The following SEMA5B variants were observed in gnomAD, a reference collection of about 807,000 sequenced individuals.
SEMA5B encodes semaphorin-5B.
SEMA5B carries 66 observed loss-of-function variants against 135.0 expected under a neutral mutation model. The ratio of observed to expected loss-of-function variants is 0.49; its 90% CI spans 0.40 to 0.60. The LOEUF (loss-of-function observed/expected upper bound fraction) is 0.60. Ranked by LOEUF, SEMA5B falls within the 20% of genes least tolerant of loss-of-function variation. The probability of loss-of-function intolerance (pLI) is 0.00; values close to 1 mark genes in which losing one functional copy is unlikely to be tolerated. For synonymous variants in SEMA5B, 690 were observed against 639.5 expected (o/e 1.08, Z -1.19); for missense variants, 1,501 against 1,566.3 (o/e 0.96, Z 0.70).
At chr3:122,915,350 G>C in intron 14 of SEMA5B, 90 bp downstream of exon 14, 1 of 1,323,782 alleles carries the variant, frequency 7.6e-7, no homozygotes, top group Non-Finnish European at 1.0e-6. Context: ...CTGTCCCTTA[G>C]TGCAAACACC....
Position 122,929,048 on chromosome 3 carries a change from C to T in SEMA5B, c.485G>A (p.Trp162Ter). ...GCGGCGCGTGTCCTCACTGGAGGCC[C>T]ACTCTGTGGCCTGGGGGAGGAACAT... ...ANVSLLQATE[W>*]ASSEDTRRSC... The change falls in exon 6 of 23, where the codon TGG (tryptophan) becomes TAG (stop). Residue 162 changes from tryptophan to a stop codon, truncating the protein, a stop_gained. Coordinates refer to ENST00000357599, the MANE Select transcript of SEMA5B (RefSeq NM_001031702.4). LOFTEE classifies it high-confidence loss of function. 6.2e-7 allele frequency: 1 copy of T among 1,611,898 alleles called. No individual in the cohort carries two copies. Among genetic ancestry groups the T allele is most frequent in the Non-Finnish European group, 8.5e-7 (1 of 1,179,976 alleles).
At chr3:123,018,540 A>G (rs374214732) in intron 1 of SEMA5B, among the ~76,000 whole-genome samples, 9 of 152,240 alleles carry the variant, frequency 5.9e-5, no homozygotes, top group East Asian at 3.9e-4. Context: ...AAATAAGCAC[A>G]GAATGACCAG....
intron 12 of SEMA5B, among the ~76,000 whole-genome samples, chr3:122,916,100 G>T (rs996632986): frequency 2.0e-5 from 3 of 152,206 alleles, no homozygotes; most frequent in African/African-American, 7.2e-5. Context: ...GCACCCCAAT[G>T]AAGTGGGTAC....
Position 122,951,990 on chromosome 3 carries a change from G to A in SEMA5B, c.125-3281C>T, listed in dbSNP as rs114021437. On this transcript the variant is annotated intron_variant, in intron 2 of 22. Coordinates refer to ENST00000357599, the MANE Select transcript of SEMA5B (RefSeq NM_001031702.4). ...GCTGCAAGCCTCCAAGGAAATAACA[G>A]CACGAAGCCAGAGCACCCAACTGAC... 5.9e-3 allele frequency among the ~76,000 whole-genome samples: 903 copies of A among 152,306 alleles called. 6 individuals are homozygous for A. The highest frequency in any genetic ancestry group is 0.021 in the African/African-American group (857 of 41,576).
chr3:122,991,433 T>C (rs1941874423), intron 1 of SEMA5B, among the ~76,000 whole-genome samples: 1 of 152,144 alleles, frequency 6.6e-6, no homozygotes, highest in African/African-American at 2.4e-5. Flanking sequence ...ACTTTGGTAA[T>C]GTCTGGAGGC....
chr3:122,953,279 C>A (rs543337300), intron 2 of SEMA5B, among the ~76,000 whole-genome samples: 3 of 152,254 alleles, frequency 2.0e-5, no homozygotes, highest in African/African-American at 7.2e-5. Flanking sequence ...CGCCCCAGGT[C>A]TGACCACCAG....
At chr3:123,013,532 A>C (rs1942484920) in intron 1 of SEMA5B, among the ~76,000 whole-genome samples, 1 of 152,208 alleles carries the variant, frequency 6.6e-6, no homozygotes, top group Admixed American at 6.5e-5. Flanking sequence ...TGAGCCTTGG[A>C]GAGGAGAAAT....
chr3:123,004,703 C>T (rs1221973952), intron 1 of SEMA5B, among the ~76,000 whole-genome samples: 3 of 152,174 alleles, frequency 2.0e-5, no homozygotes, highest in East Asian at 1.9e-4. Context: ...CAATATGTTA[C>T]GGCTGGCCTC....
chr3:123,007,185 C>T (rs1438580899), intron 1 of SEMA5B, among the ~76,000 whole-genome samples: 1 of 152,138 alleles, frequency 6.6e-6, no homozygotes, highest in Non-Finnish European at 1.5e-5. Context: ...TTGCCCCCTT[C>T]CTTCTGCCCC....
At chr3:122,932,474 A>AC (rs1481800513) in intron 5 of SEMA5B, among the ~76,000 whole-genome samples, 1 of 152,068 alleles carries the variant, frequency 6.6e-6, no homozygotes, top group East Asian at 1.9e-4. Context: ...CACAAGGTAG[A>AC]CAAAGGCCCA....
intron 1 of SEMA5B, among the ~76,000 whole-genome samples, chr3:122,994,095 T>G (rs1941960173): frequency 6.6e-6 from 1 of 151,860 alleles, no homozygotes; most frequent in Non-Finnish European, 1.5e-5. Flanking sequence ...GAGTGTGCCA[T>G]CAGCCCGGCA....
intron 1 of SEMA5B, among the ~76,000 whole-genome samples, chr3:122,993,541 G>C (rs1171702639): frequency 6.6e-6 from 1 of 152,206 alleles, no homozygotes; most frequent in African/African-American, 2.4e-5. Flanking sequence ...GTGTGTAAGA[G>C]TGTGTGAGAG....
intron 5 of SEMA5B, among the ~76,000 whole-genome samples, chr3:122,938,800 T>G (rs114460880): frequency 3.9e-4 from 60 of 152,350 alleles, no homozygotes; most frequent in African/African-American, 1.4e-3. Context: ...AAAGATGGTT[T>G]GACATCTGTT....
At chr3:122,925,538 C>T (rs1033003769) in intron 9 of SEMA5B, among the ~76,000 whole-genome samples, 2 of 151,984 alleles carry the variant, frequency 1.3e-5, no homozygotes, top group Admixed American at 6.6e-5. Flanking sequence ...CATGGTGCCA[C>T]GTGCCTGTAG....
At chr3:123,006,972 T>C (rs942825933) in intron 1 of SEMA5B, among the ~76,000 whole-genome samples, 2 of 151,900 alleles carry the variant, frequency 1.3e-5, no homozygotes, top group Non-Finnish European at 2.9e-5. Flanking sequence ...TAAACTATAA[T>C]GGAATAATTG....
intron 1 of SEMA5B, among the ~76,000 whole-genome samples, chr3:122,966,701 C>T (rs763955230): frequency 1.3e-5 from 2 of 150,306 alleles, no homozygotes; most frequent in Admixed American, 6.6e-5. Context: ...ACTACAGGCC[C>T]CCGCCACCGC....
rs137877721 is a variant in SEMA5B at position 122,954,353 on chromosome 3, A to G, written c.125-5644T>C. The stretch of plus-strand genomic sequence containing the variant: ...CTTTCCTGAGGTTTAAATACATTCT[A>G]CTTCCATGAGCCACCCCCACTCCCA... On this transcript the variant is annotated intron_variant, in intron 2 of 22. Transcript: ENST00000357599. 3.3e-3 allele frequency among the ~76,000 whole-genome samples: 509 copies of G among 152,302 alleles called. 1 individual carries two copies. The highest frequency in any genetic ancestry group is 1.0e-2 in the African/African-American group (414 of 41,560).
chr3:122,951,369 C>A (rs778388460), intron 2 of SEMA5B, among the ~76,000 whole-genome samples: 4 of 152,088 alleles, frequency 2.6e-5, no homozygotes, highest in Non-Finnish European at 4.4e-5. Flanking sequence ...GGAATCAAGG[C>A]TTCTCAGTAA....
intron 2 of SEMA5B, among the ~76,000 whole-genome samples, chr3:122,956,440 CAG>C (rs973535921): frequency 3.9e-5 from 6 of 152,152 alleles, no homozygotes; most frequent in Admixed American, 2.6e-4. Context: ...TTTGCTGTAA[CAG>C]GGGGAGTGAG....
Sources: gnomAD v4.1 joint callset for allele counts (sites outside exome capture counted in the v4.1 genomes callset) on GRCh38, gnomAD v4.1.1 for gene constraint, MANE v1.5 for transcripts, NCBI Gene and HGNC (gene_info 2026-07-23, HGNC 2026-07-21) for gene names.